Variants in EML5 observed in about 807,000 individuals in gnomAD.
EML5 encodes echinoderm microtubule-associated protein-like 5.
EML5 carries 120 observed loss-of-function variants against 250.0 expected under a neutral mutation model. That is an observed-to-expected ratio of 0.48 (90% CI 0.41 to 0.56). The LOEUF is 0.56. Among genes scored for constraint, EML5 ranks in the 20% least tolerant of loss-of-function variants. EML5 has a pLI of 0.00. For missense variants in EML5, 2,006 were observed against 2,437.6 expected (o/e 0.82, Z 3.73); for synonymous variants, 771 against 806.5 (o/e 0.96, Z 0.75).
rs1217069781 is a variant in EML5 at position 88,740,520 on chromosome 14, T to G, written c.578A>C (p.Lys193Thr). Reference sequence around the variant, plus strand: ...CAGTATTGTCTGAAGGTCACCCGTCTTACCAAAGACACCTCGTTTTGGGGT... The same window carrying G: ...CAGTATTGTCTGAAGGTCACCCGTCGTACCAAAGACACCTCGTTTTGGGGT... ...ALTPKRGVFG[K>T]TGDLQTILCL... Residue 193 changes from lysine to threonine, a missense_variant, in exon 5 of 44, where the codon AAG (lysine) becomes ACG (threonine). Physicochemically the swap from Lys to Thr is moderately conservative, Grantham distance 78. Transcript: ENST00000554922. 4 of 1,613,634 alleles carry G rather than the reference T, an allele frequency of 2.5e-6. No individual in the cohort carries two copies. In the Admixed American group the frequency reaches 6.7e-5, roughly 27 times the overall value.
chr14:88,674,564 C>T (rs927975973), intron 21 of EML5, among the ~76,000 whole-genome samples: 1 of 152,112 alleles, frequency 6.6e-6, no homozygotes, highest in African/African-American at 2.4e-5. Context: ...AAGTCCCTCC[C>T]ACAACACATG....
chr14:88,685,679 G>A (rs1412105286), intron 19 of EML5, among the ~76,000 whole-genome samples: 1 of 151,724 alleles, frequency 6.6e-6, no homozygotes, highest in African/African-American at 2.4e-5. Flanking sequence ...CAAACTCCTG[G>A]GCTCAGGAGT....
chr14:88,657,865 T>C (rs1351660997), intron 26 of EML5, among the ~76,000 whole-genome samples: 1 of 152,184 alleles, frequency 6.6e-6, no homozygotes, highest in Admixed American at 6.5e-5. Flanking sequence ...ATACATTTTC[T>C]ATAACGAGCT....
Position 88,725,728 on chromosome 14 carries a change from A to C in EML5, c.1187+813T>G, listed in dbSNP as rs541999942. On this transcript the variant is annotated intron_variant, in intron 8 of 43. Transcript: ENST00000554922. ...AAGGTCTTGAGGGAAACCAAACAGG[A>C]GGTAAGAAGATCAGCTAAGAGGCTA... Among the ~76,000 whole-genome samples, 5 of 152,308 alleles carry C rather than the reference A, an allele frequency of 3.3e-5. No individual in the cohort carries two copies. The South Asian group carries it at 1.0e-3, about 32-fold the overall frequency.
At chr14:88,618,196 A>G in intron 41 of EML5, 32 bp downstream of exon 41, 1 of 1,585,034 alleles carries the variant, frequency 6.3e-7, no homozygotes, top group Non-Finnish European at 8.7e-7. Context: ...CTTCAAAGTC[A>G]GTTCTTGCCT....
At chr14:88,775,905 A>AAGAG (rs36018473) in intron 1 of EML5, among the ~76,000 whole-genome samples, 5 of 150,572 alleles carry the variant, frequency 3.3e-5, no homozygotes, top group African/African-American at 4.9e-5. Context: ...GGTGGCTCAG[A>AAGAG]AGAGAGAGAG....
At chr14:88,766,581 A>G (rs2094323488) in intron 1 of EML5, among the ~76,000 whole-genome samples, 1 of 152,108 alleles carries the variant, frequency 6.6e-6, no homozygotes, top group Non-Finnish European at 1.5e-5. Context: ...ATGACAATGC[A>G]TGCCCAAAAC....
Position 88,740,532 on chromosome 14 carries a change from C to T in EML5, c.566G>A (p.Gly189Asp). The T allele has an allele frequency of 6.2e-7, 1 of 1,613,104 alleles. No homozygotes were observed. ...AAGGTCACCCGTCTTACCAAAGACA[C>T]CTCGTTTTGGGGTCAGAGCATTTCC... Reference protein sequence around the residue: ...LCGNALTPKRGVFGKTGDLQT... With the variant: ...LCGNALTPKRDVFGKTGDLQT... The change falls in exon 5 of 44, where the codon GGT (glycine) becomes GAT (aspartate). Residue 189 changes from glycine to aspartate, a missense_variant. Physicochemically the swap from Gly to Asp is moderately conservative, Grantham distance 94. This residue lies in a region of EML5 where 1,375 missense variants were observed against 1,590.3 expected (regional missense o/e 0.86). Coordinates refer to ENST00000554922, the MANE Select transcript of EML5 (RefSeq NM_183387.3).
At chr14:88,648,350 A>G (rs1351138018) in intron 28 of EML5, among the ~76,000 whole-genome samples, 1 of 152,062 alleles carries the variant, frequency 6.6e-6, no homozygotes, top group East Asian at 1.9e-4. Context: ...GATTCCCAGA[A>G]TAATAATTAT....
intron 7 of EML5, among the ~76,000 whole-genome samples, chr14:88,730,828 A>G (rs2093744446): frequency 6.6e-6 from 1 of 152,228 alleles, no homozygotes; most frequent in African/African-American, 2.4e-5. Flanking sequence ...GGAAAAAAGT[A>G]TGTATAGAAA....
chr14:88,670,849 T>TA (rs1164348607), intron 21 of EML5, among the ~76,000 whole-genome samples: 1 of 149,560 alleles, frequency 6.7e-6, no homozygotes, highest in Non-Finnish European at 1.5e-5. Context: ...TGAAATAAGA[T>TA]ACACTACAAG....
intron 21 of EML5, among the ~76,000 whole-genome samples, chr14:88,680,160 T>C (rs2092686855): frequency 6.6e-6 from 1 of 152,196 alleles, no homozygotes; most frequent in Non-Finnish European, 1.5e-5. Context: ...CATTAAATTA[T>C]ATATTTAGTT....
chr14:88,648,829 G>T (rs1185322179), intron 28 of EML5, among the ~76,000 whole-genome samples: 1 of 151,994 alleles, frequency 6.6e-6, no homozygotes, highest in Non-Finnish European at 1.5e-5. Flanking sequence ...AATAGTATAA[G>T]ATTTTATGGC....
At chr14:88,681,109 C>G (rs928301445) in intron 21 of EML5, among the ~76,000 whole-genome samples, 13 of 151,848 alleles carry the variant, frequency 8.6e-5, no homozygotes, top group Admixed American at 3.9e-4. Flanking sequence ...AACTTGAAAA[C>G]AAATAGAAGT....
chr14:88,748,537 T>C (rs2094042175), intron 2 of EML5, among the ~76,000 whole-genome samples: 1 of 152,186 alleles, frequency 6.6e-6, no homozygotes, highest in Admixed American at 6.5e-5. Flanking sequence ...CTTGACTATT[T>C]GCCAGAACAG....
chr14:88,672,707 T>C (rs879576303), intron 21 of EML5, among the ~76,000 whole-genome samples: 6 of 151,950 alleles, frequency 3.9e-5, no homozygotes, highest in African/African-American at 9.7e-5. Flanking sequence ...AAAGGGGACA[T>C]CACCACTGAT....
chr14:88,616,352 T>G, intron 42 of EML5, 110 bp from the exon 43 acceptor site: 1 of 1,046,530 alleles, frequency 9.6e-7, no homozygotes, highest in African/African-American at 1.6e-5. Flanking sequence ...AGTAGGGAGT[T>G]AGCACCGCAG....
intron 8 of EML5, among the ~76,000 whole-genome samples, chr14:88,725,233 T>A (rs12886944): frequency 7.9e-5 from 12 of 152,068 alleles, no homozygotes; most frequent in Non-Finnish European, 1.6e-4. Flanking sequence ...TAGAGGGTGG[T>A]GATGGTTGCA....
At chr14:88,682,662 G>T (rs775076576) in intron 20 of EML5, among the ~76,000 whole-genome samples, 1 of 152,096 alleles carries the variant, frequency 6.6e-6, no homozygotes, top group Admixed American at 6.5e-5. Context: ...GGTAGGGCAG[G>T]ATGTCAGCAT....
Sources: gnomAD v4.1 joint callset for allele counts (sites outside exome capture counted in the v4.1 genomes callset) on GRCh38, gnomAD v4.1.1 for gene constraint, gnomAD v4.1.1 regional missense constraint, MANE v1.5 for transcripts, NCBI Gene and HGNC (gene_info 2026-07-23, HGNC 2026-07-21) for gene names.